Variants in TERT observed in about 807,000 individuals in gnomAD.
TERT encodes telomerase catalytic subunit.
In TERT, 42 loss-of-function variants were observed where a neutral mutation model predicts 104.0. That is an observed-to-expected ratio of 0.40 (90% CI 0.32 to 0.52). The LOEUF is 0.52. Ranked by LOEUF, TERT falls within the 20% of genes least tolerant of loss-of-function variation. The pLI, the probability that TERT is intolerant of heterozygous loss-of-function variation, is 0.43. For missense variants in TERT, 1,101 were observed against 1,610.3 expected, an observed-to-expected ratio of 0.68 and a Z score of 5.41; for synonymous variants, 781 against 725.6, an observed-to-expected ratio of 1.08 and a Z score of -1.23.
intron 2 of TERT, among the ~76,000 whole-genome samples, chr5:1,289,171 AACTC>A (rs1750687874): frequency 9.7e-6 from 1 of 103,626 alleles, no homozygotes; most frequent in African/African-American, 3.7e-5. Context: ...CGGGGGCCGC[AACTC>A]ACTCACCCTA....
Position 1,274,564 on chromosome 5 carries a change from G to T in TERT, c.2287-2284C>A, listed in dbSNP as rs1463436406. Among the ~76,000 whole-genome samples, 1 of 152,206 alleles carries T rather than the reference G, an allele frequency of 6.6e-6. No individual in the cohort carries two copies. The highest frequency in any genetic ancestry group is 1.5e-5 in the Non-Finnish European group (1 of 68,040). Reference sequence around the variant, plus strand: ...ATCAGGCATTAGATTCCCATAAGGAGCACAGAATCTAGACCCCTCTCACGC... The same window carrying T: ...ATCAGGCATTAGATTCCCATAAGGATCACAGAATCTAGACCCCTCTCACGC... On this transcript the variant is annotated intron_variant, in intron 6 of 15. Transcript: ENST00000310581. The surrounding 1 kb of genome is among the most constrained non-coding windows in gnomAD (Gnocchi z 5.3).
In TERT at chr5:1,256,303, C is replaced by T. The variant is rs1244580921; in HGVS notation, c.3033-892G>A. ...TGCTGGGACTACAGGTGTGAGCCAC[C>T]GCGCCAGCCCTGTCAGCCTCCATCT... On this transcript the variant is annotated intron_variant, in intron 13 of 15. Transcript: ENST00000310581. This position sits in a 1 kb window ranked among gnomAD's most constrained non-coding sequence, Gnocchi z 7.0. 1.3e-5 allele frequency among the ~76,000 whole-genome samples: 2 copies of T among 152,244 alleles called. No individual in the cohort carries two copies. Among genetic ancestry groups the T allele is most frequent in the South Asian group, 2.1e-4 (1 of 4,814 alleles).
At chr5:1,282,815 T>A in intron 2 of TERT, 191 bp from the exon 3 acceptor site, 1 of 633,844 alleles carries the variant, frequency 1.6e-6, no homozygotes, top group Non-Finnish European at 2.8e-6. Flanking sequence ...CCTGCACCAT[T>A]CGGACACGGG....
Position 1,263,104 on chromosome 5 carries a change from C to T in TERT, c.2843+1300G>A, listed in dbSNP as rs1452235272. Among the ~76,000 whole-genome samples, 4 of 152,234 alleles carry T rather than the reference C, an allele frequency of 2.6e-5. No homozygotes were observed. The highest frequency in any genetic ancestry group is 2.1e-4 in the South Asian group (1 of 4,822). ...ACCTGCCACTCCCCCATCATGAGGG[C>T]GTCTGCACCTGCTGCTCCCCCATCA... On this transcript the variant is annotated intron_variant, in intron 11 of 15. Transcript: ENST00000310581. The surrounding 1 kb of genome is among the most constrained non-coding windows in gnomAD (Gnocchi z 5.3).
chr5:1,293,286 G>T, intron 2 of TERT, 27 bp downstream of exon 2: 1 of 1,611,050 alleles, frequency 6.2e-7, no homozygotes, highest in Non-Finnish European at 8.5e-7. Context: ...CTGGGGCCTG[G>T]GCCCTCGACG....
At chr5:1,275,856 C>T (rs899398798) in intron 6 of TERT, among the ~76,000 whole-genome samples, 1 of 136,988 alleles carries the variant, frequency 7.3e-6, no homozygotes, top group Non-Finnish European at 1.6e-5. Context: ...TCCCCACCTA[C>T]CCCACACATG....
intron 6 of TERT, 50 bp from the exon 7 acceptor site, chr5:1,272,330 A>G: frequency 6.8e-7 from 1 of 1,473,116 alleles, no homozygotes; most frequent in Non-Finnish European, 9.4e-7. Context: ...TGCCCCGGCC[A>G]GAGCTGGGCA....
At position 1,287,352 on chromosome 5, in the gene TERT, T is replaced by C. The variant is rs1750555078; in HGVS notation, c.1574-4728A>G. On this transcript the variant is annotated intron_variant, in intron 2 of 15. Coordinates refer to ENST00000310581, the MANE Select transcript of TERT (RefSeq NM_198253.3). The surrounding 1 kb of genome is among the most constrained non-coding windows in gnomAD (Gnocchi z 4.3). Reference sequence around the variant, plus strand: ...CTGTCTCCAGAAAAAATTTAAAAATTAGCCAGGTGTAGCGGTGCGTGTCTG... The same window carrying C: ...CTGTCTCCAGAAAAAATTTAAAAATCAGCCAGGTGTAGCGGTGCGTGTCTG... 6.6e-6 allele frequency among the ~76,000 whole-genome samples: 1 copy of C among 151,806 alleles called. No homozygotes were observed. Among genetic ancestry groups the C allele is most frequent in the African/African-American group, 2.4e-5 (1 of 41,314 alleles).
chr5:1,260,235 G>A (rs1345951630), intron 12 of TERT, among the ~76,000 whole-genome samples: 1 of 152,222 alleles, frequency 6.6e-6, no homozygotes, highest in African/African-American at 2.4e-5. Context: ...ACACATGCAT[G>A]TCAGGTGTGC....
At chr5:1,272,477 C>G (rs556730058) in intron 6 of TERT, among the ~76,000 whole-genome samples, 197 bp from the exon 7 acceptor site, 1 of 152,236 alleles carries the variant, frequency 6.6e-6, no homozygotes, top group South Asian at 2.1e-4. Flanking sequence ...ACAGACACAC[C>G]TGGGACTCCA....
In TERT at chr5:1,280,034, G is replaced by C; in HGVS notation, c.1950+124C>G. 6 of 1,296,518 alleles carry C rather than the reference G, an allele frequency of 4.6e-6. No individual in the cohort carries two copies. In the Admixed American group the frequency reaches 1.0e-4, roughly 22 times the overall value. 80.3% of individuals were successfully genotyped at this position (1,296,518 alleles called of 1,614,324 possible). ...TCACTGTGCGCACAAATGGGTTGGC[G>C]CCGTGCCATGGCCCTGGCTGTGTCC... is the stretch of plus-strand genomic sequence containing the variant. On this transcript the variant is annotated intron_variant, in intron 4 of 15. Transcript: ENST00000310581.
rs1037936611 is a variant in TERT, at chr5:1,265,139, T to A, written c.2655-547A>T. Among the ~76,000 whole-genome samples the A allele has an allele frequency of 6.6e-6, 1 of 152,186 alleles. No homozygotes were observed. Among genetic ancestry groups the A allele is most frequent in the Non-Finnish European group, 1.5e-5 (1 of 68,016 alleles). The stretch of plus-strand genomic sequence containing the variant: ...GGCAACACCAGTCGTCAGCTTCACG[T>A]CAAGGAGGTTCCCTCGCCGAGTCAT... On this transcript the variant is annotated intron_variant, in intron 10 of 15. Transcript: ENST00000310581. This position sits in a 1 kb window ranked among gnomAD's most constrained non-coding sequence, Gnocchi z 6.9.
At position 1,268,027 on chromosome 5, in the gene TERT, A is replaced by G. The variant is rs903603139; in HGVS notation, c.2582+493T>C. ...TGTCAATAAAAGCCAGCTGAGTTGA[A>G]CCACATTAGGTTGGCACGATATTTA... On this transcript the variant is annotated intron_variant, in intron 9 of 15. Coordinates refer to ENST00000310581, the MANE Select transcript of TERT (RefSeq NM_198253.3). This position sits in a 1 kb window ranked among gnomAD's most constrained non-coding sequence, Gnocchi z 5.5. Among the ~76,000 whole-genome samples the G allele has an allele frequency of 6.6e-6, 1 of 152,030 alleles. No homozygotes were observed. Among genetic ancestry groups the G allele is most frequent in the Non-Finnish European group, 1.5e-5 (1 of 68,024 alleles).
Position 1,294,161 on chromosome 5 carries a change from G to C in TERT, c.725C>G (p.Ala242Gly). 1 of 1,581,274 alleles carries C rather than the reference G, an allele frequency of 6.3e-7. No individual in the cohort carries two copies. Residue 242 changes from alanine to glycine, a missense_variant, in exon 2 of 16, where the codon GCT becomes GGT. By Grantham distance (60) the Ala-to-Gly change is moderately conservative. This residue lies in a region of TERT where 504 missense variants were observed against 544.6 expected (regional missense o/e 0.93). Transcript: ENST00000310581. The stretch of plus-strand genomic sequence containing the variant: ...GGGCGTCCGCTCCGGCTCAGGGGCA[G>C]CGCCACGCCTGGGCCTCTTGGGCAA... ...LPLPKRPRRGAAPEPERTPVG... is the reference protein window; with the variant it reads ...LPLPKRPRRGGAPEPERTPVG...
At position 1,282,637 on chromosome 5, in the gene TERT, G is replaced by T; in HGVS notation, c.1574-13C>A. On this transcript the variant is annotated splice_polypyrimidine_tract_variant and intron_variant, in intron 2 of 15. Transcript: ENST00000310581. ...ACACAGCCAACCCCTTAAACGAGAA[G>T]GACATGCCACATCCAGATCACCGAG... 6.2e-7 allele frequency: 1 copy of T among 1,613,664 alleles called. No homozygotes were observed. The highest frequency in any genetic ancestry group is 1.1e-5 in the South Asian group (1 of 91,068).
rs1747634261 is a variant in TERT at position 1,255,274 on chromosome 5, C to A, written c.3157+13G>T. On this transcript the variant is annotated intron_variant, in intron 14 of 15. Transcript: ENST00000310581. The surrounding 1 kb of genome is among the most constrained non-coding windows in gnomAD (Gnocchi z 6.9). Reference sequence around the variant, plus strand: ...AGGCACTGCTGCCACTGAGGCCAGGCACCTGCACATACCTGCGTTCTTGGC... The same window carrying A: ...AGGCACTGCTGCCACTGAGGCCAGGAACCTGCACATACCTGCGTTCTTGGC... 1 of 1,613,182 alleles carries A rather than the reference C, an allele frequency of 6.2e-7. No individual in the cohort carries two copies. Among genetic ancestry groups the A allele is most frequent in the East Asian group, 2.2e-5 (1 of 44,864 alleles).
intron 14 of TERT, 106 bp from the exon 15 acceptor site, chr5:1,254,611 C>G (rs1175180604): frequency 7.3e-7 from 1 of 1,371,164 alleles, no homozygotes; most frequent in Non-Finnish European, 9.9e-7. Flanking sequence ...GGCTCCATCT[C>G]TGGCTGTCCC....
Position 1,282,476 on chromosome 5 carries a change from A to G in TERT, c.1722T>C (p.Phe574=), listed in dbSNP as rs1579580010. The G allele has an allele frequency of 2.5e-6, 4 of 1,614,184 alleles. No homozygotes were observed. The highest frequency in any genetic ancestry group is 3.4e-6 in the Non-Finnish European group (4 of 1,180,040). Residue 574 remains phenylalanine (F), a synonymous_variant, in exon 3 of 16, where the codon TTT becomes TTC. Coordinates refer to ENST00000310581, the MANE Select transcript of TERT (RefSeq NM_198253.3). ...TGCTCCAGACACTCTTCCGGTAGAA[A>G]AAGAGCCTGTTCTTTTGAAACGTGG... The part of the protein sequence containing the change: ...TETTFQKNRL[F]FYRKSVWSKL...
In TERT at chr5:1,255,903, G is replaced by A. The variant is rs1418482401; in HGVS notation, c.3033-492C>T. Among the ~76,000 whole-genome samples, 1 of 151,988 alleles carries A rather than the reference G, an allele frequency of 6.6e-6. No homozygotes were observed. On this transcript the variant is annotated intron_variant, in intron 13 of 15. Coordinates refer to ENST00000310581, the MANE Select transcript of TERT (RefSeq NM_198253.3). This position sits in a 1 kb window ranked among gnomAD's most constrained non-coding sequence, Gnocchi z 6.9. ...CATAAACCCTGGGTCTGGGGTGATG[G>A]TGTGAGGACCCATCATCTCATCTCA...
Sources: gnomAD v4.1 joint callset for allele counts (sites outside exome capture counted in the v4.1 genomes callset) on GRCh38, gnomAD v4.1.1 for gene constraint, gnomAD v4.1.1 regional missense constraint, Gnocchi (gnomAD v3.1) non-coding constraint, MANE v1.5 for transcripts, NCBI Gene and HGNC (gene_info 2026-07-23, HGNC 2026-07-21) for gene names.